CCSER2: variants seen among roughly 807,000 people sequenced by gnomAD.
CCSER2 encodes the protein serine-rich coiled-coil domain-containing protein 2.
Under a neutral mutation model 92.3 loss-of-function variants are expected in CCSER2, and 46 were observed. The ratio of observed to expected loss-of-function variants is 0.50; its 90% CI spans 0.39 to 0.64. The LOEUF is 0.64. Ranked by LOEUF, CCSER2 falls within the 30% of genes least tolerant of loss-of-function variation. The probability of loss-of-function intolerance (pLI) is 0.00; values close to 1 mark genes in which losing one functional copy is unlikely to be tolerated. For synonymous variants in CCSER2, 433 were observed against 431.4 expected, an observed-to-expected ratio of 1.00 and a Z score of -0.04; for missense variants, 1,244 against 1,238.9, an observed-to-expected ratio of 1.00 and a Z score of -0.06.
intron 3 of CCSER2, among the ~76,000 whole-genome samples, chr10:84,379,905 T>G (rs546045570): frequency 1.5e-4 from 23 of 152,322 alleles, no homozygotes; most frequent in African/African-American, 5.5e-4. Flanking sequence ...TACATTTCAG[T>G]TATTCTTTAT....
chr10:84,506,891 A>G (rs746328795), intron 9 of CCSER2, among the ~76,000 whole-genome samples: 8 of 152,230 alleles, frequency 5.3e-5, no homozygotes, highest in African/African-American at 9.6e-5. Flanking sequence ...ATTCATTTCT[A>G]CCTCCTTCAT....
chr10:84,427,579 A>T (rs1048561695), intron 5 of CCSER2, among the ~76,000 whole-genome samples: 4 of 152,184 alleles, frequency 2.6e-5, no homozygotes, highest in African/African-American at 9.7e-5. Context: ...TTATAGGATC[A>T]TGCCTTATCC....
intron 3 of CCSER2, among the ~76,000 whole-genome samples, chr10:84,380,235 T>C (rs1564615429): frequency 6.9e-6 from 1 of 145,934 alleles, no homozygotes; most frequent in Non-Finnish European, 1.5e-5. Context: ...TATACTATTA[T>C]TGATTTTGTC....
intron 1 of CCSER2, among the ~76,000 whole-genome samples, chr10:84,351,003 G>A (rs912317052): frequency 6.6e-6 from 1 of 152,180 alleles, no homozygotes; most frequent in East Asian, 1.9e-4. Flanking sequence ...ATGATTTATA[G>A]CACATTAATT....
chr10:84,419,369 T>A lies in CCSER2; in HGVS notation c.1705+1508T>A, dbSNP rs1167936739. Among the ~76,000 whole-genome samples the A allele has an allele frequency of 1.1e-4, 15 of 141,812 alleles. No homozygotes were observed. The South Asian group carries it at 1.1e-3, about 11-fold the overall frequency. 93.0% of individuals were successfully genotyped at this position (141,812 alleles called of 152,430 possible). On this transcript the variant is annotated intron_variant, in intron 4 of 9. Transcript: ENST00000372088. ...AGCTCCCTTCTCAAAAAAAAAAAAATAAAATAAAGAAAAACACCCACACCC... is the reference window on the plus strand; with the variant it reads ...AGCTCCCTTCTCAAAAAAAAAAAAAAAAAATAAAGAAAAACACCCACACCC...
chr10:84,396,018 G>T (rs972509830), intron 3 of CCSER2, among the ~76,000 whole-genome samples: 1 of 151,948 alleles, frequency 6.6e-6, no homozygotes, highest in South Asian at 2.1e-4. Flanking sequence ...ATTTATTTCT[G>T]TATCCATTTC....
chr10:84,419,931 GA>G (rs1451511369), intron 4 of CCSER2, among the ~76,000 whole-genome samples: 1 of 152,180 alleles, frequency 6.6e-6, no homozygotes, highest in Non-Finnish European at 1.5e-5. Flanking sequence ...GAACACAGAG[GA>G]AAAACATAAA....
intron 3 of CCSER2, among the ~76,000 whole-genome samples, chr10:84,413,122 T>G (rs1024282493): frequency 3.5e-4 from 53 of 149,364 alleles, no homozygotes; most frequent in Non-Finnish European, 6.6e-4. Context: ...TTTTTTTTTT[T>G]GAAGGATTTC....
chr10:84,363,147 A>ATTTT (rs1182773588), intron 1 of CCSER2, among the ~76,000 whole-genome samples: 1 of 84,376 alleles, frequency 1.2e-5, no homozygotes, highest in African/African-American at 6.3e-5. Context: ...ACACCCAGCT[A>ATTTT]TTTTTTTTTT....
At chr10:84,513,058 G>A (rs1849446389) in intron 9 of CCSER2, among the ~76,000 whole-genome samples, 1 of 151,968 alleles carries the variant, frequency 6.6e-6, no homozygotes, top group South Asian at 2.1e-4. Context: ...GTAGTATTCC[G>A]AAGGTCACCG....
chr10:84,421,905 G>A (rs1186332372), intron 4 of CCSER2, among the ~76,000 whole-genome samples: 1 of 152,148 alleles, frequency 6.6e-6, no homozygotes, highest in Non-Finnish European at 1.5e-5. Flanking sequence ...TGATCTAATG[G>A]TGATAGATGG....
At chr10:84,402,940 T>C (rs1156668515) in intron 3 of CCSER2, among the ~76,000 whole-genome samples, 1 of 152,192 alleles carries the variant, frequency 6.6e-6, no homozygotes, top group Admixed American at 6.5e-5. Flanking sequence ...AAATACTTTT[T>C]TGTAGATATA....
At chr10:84,483,977 A>AATTTTTTTTTTTT (rs1847629448) in intron 9 of CCSER2, among the ~76,000 whole-genome samples, 1 of 116,268 alleles carries the variant, frequency 8.6e-6, no homozygotes. Context: ...ATATATATAT[A>AATTTTTTTTTTTT]TATATATATA....
At chr10:84,495,736 G>A (rs1848410799) in intron 9 of CCSER2, among the ~76,000 whole-genome samples, 1 of 147,774 alleles carries the variant, frequency 6.8e-6, no homozygotes, top group Non-Finnish European at 1.5e-5. Flanking sequence ...TTGCTCTGAA[G>A]TCTATTTGAT....
chr10:84,382,173 T>C lies in CCSER2; in HGVS notation c.1614+8358T>C, dbSNP rs561580765. On this transcript the variant is annotated intron_variant, in intron 3 of 9. Coordinates refer to ENST00000372088, the MANE Select transcript of CCSER2 (RefSeq NM_001284240.2). ...CTTTGACTCCTTTTAGTGAATTTTC[T>C]ATTTTGGGAGTGGGCTTGGGGACTC... 2.6e-5 allele frequency among the ~76,000 whole-genome samples: 4 copies of C among 152,328 alleles called. No individual in the cohort carries two copies. The South Asian group carries it at 8.3e-4, about 32-fold the overall frequency.
At chr10:84,333,579 G>A (rs1196793877) in intron 1 of CCSER2, among the ~76,000 whole-genome samples, 1 of 152,222 alleles carries the variant, frequency 6.6e-6, no homozygotes, top group African/African-American at 2.4e-5. Context: ...GTGTTGCAAA[G>A]CAAGGGGATG....
intron 9 of CCSER2, among the ~76,000 whole-genome samples, chr10:84,505,821 G>C (rs989208967): frequency 1.3e-5 from 2 of 151,870 alleles, no homozygotes; most frequent in Non-Finnish European, 2.9e-5. Flanking sequence ...CAGCGTTAGT[G>C]GTTTCTGTAT....
intron 5 of CCSER2, among the ~76,000 whole-genome samples, chr10:84,433,947 G>A (rs931025485): frequency 6.6e-6 from 1 of 151,966 alleles, no homozygotes; most frequent in Non-Finnish European, 1.5e-5. Context: ...GGCTATGATC[G>A]GCCACATAAG....
At chr10:84,501,440 T>G (rs1280009152) in intron 9 of CCSER2, among the ~76,000 whole-genome samples, 1 of 152,144 alleles carries the variant, frequency 6.6e-6, no homozygotes, top group Non-Finnish European at 1.5e-5. Flanking sequence ...TTTCTCCTTC[T>G]CCTCAGCTAG....
Sources: allele counts gnomAD v4.1 joint callset (sites outside exome capture counted in the v4.1 genomes callset), GRCh38; gene constraint gnomAD v4.1.1; transcripts MANE v1.5; gene names NCBI Gene and HGNC (gene_info 2026-07-23, HGNC 2026-07-21).